Variants in SLC13A4 observed in about 807,000 individuals in gnomAD.
SLC13A4 encodes the protein Na(+)/sulfate cotransporter SUT-1.
SLC13A4 carries 28 observed loss-of-function variants against 72.7 expected under a neutral mutation model. The observed-to-expected ratio is 0.39, with a 90% confidence interval of 0.29 to 0.53. The LOEUF is 0.53. Ranked by LOEUF, SLC13A4 falls within the 20% of genes least tolerant of loss-of-function variation. The pLI, the probability that SLC13A4 is intolerant of heterozygous loss-of-function variation, is 0.78. For missense variants in SLC13A4, 653 were observed against 788.0 expected, an observed-to-expected ratio of 0.83 and a Z score of 2.05; for synonymous variants, 312 against 325.5, an observed-to-expected ratio of 0.96 and a Z score of 0.45.
At chr7:135,683,728 C>G in intron 15 of SLC13A4, 1 of 985,390 alleles carries the variant, frequency 1.0e-6, no homozygotes, top group Non-Finnish European at 1.2e-6. Flanking sequence ...ACCTTTCACC[C>G]TAGGTTCATA....
chr7:135,691,638 A>C lies in SLC13A4; in HGVS notation c.1231T>G (p.Tyr411Asp). The change falls in exon 12 of 16, where the codon TAC becomes GAC. Residue 411 changes from tyrosine to aspartate, a missense_variant. By Grantham distance (160) the Tyr-to-Asp change is radical. Transcript: ENST00000682651. ...ACAGAGACTGTGGCATCAGTACGGT[A>C]GCCTTTCCTAGTAAAGAGACAAGCA... ...GWDSFFEKKG[Y>D]RTDATVSVFL... 1 of 1,610,528 alleles carries C rather than the reference A, an allele frequency of 6.2e-7. No individual in the cohort carries two copies. Among genetic ancestry groups the C allele is most frequent in the Non-Finnish European group, 8.5e-7 (1 of 1,176,840 alleles).
At position 135,701,642 on chromosome 7, in the gene SLC13A4, C is replaced by G. The variant is rs775894611; in HGVS notation, c.714+38G>C. On this transcript the variant is annotated intron_variant, in intron 7 of 15. Transcript: ENST00000682651. ...CCTTGGGAAGCAGTTCACAGCGTTT[C>G]ATGTAGGAAACAGAGCTAGAAGGGG... The G allele has an allele frequency of 3.1e-6, 5 of 1,599,204 alleles. No homozygotes were observed. The East Asian group carries it at 1.1e-4, about 36-fold the overall frequency.
chr7:135,699,305 C>G lies in SLC13A4; in HGVS notation c.899+59G>C, dbSNP rs904667684. 9.7e-5 allele frequency: 143 copies of G among 1,473,622 alleles called. No individual in the cohort carries two copies. The African/African-American group carries it at 1.7e-3, about 17-fold the overall frequency. 91.3% of individuals were successfully genotyped at this position (1,473,622 alleles called of 1,614,324 possible). ...TTCTACCATATCTCTAGCACCTAGT[C>G]CAGTTCCTGACACACAGTGGTGGTT... On this transcript the variant is annotated intron_variant, in intron 8 of 15. Coordinates refer to ENST00000682651, the MANE Select transcript of SLC13A4 (RefSeq NM_001318192.2).
chr7:135,703,265 C>A, intron 5 of SLC13A4: 1 of 199,242 alleles, frequency 5.0e-6, no homozygotes, highest in Non-Finnish European at 1.0e-5. Context: ...GTACTTAGCA[C>A]GGGGATGCTA....
chr7:135,705,957 A>T (rs553185918), intron 4 of SLC13A4, 171 bp downstream of exon 4: 75 of 612,222 alleles, frequency 1.2e-4, no homozygotes, highest in African/African-American at 8.8e-4. Flanking sequence ...TCAGAGTCCA[A>T]GAGCTGGGAT....
At chr7:135,709,630 G>T (rs1796251734) in intron 2 of SLC13A4, among the ~76,000 whole-genome samples, 1 of 152,108 alleles carries the variant, frequency 6.6e-6, no homozygotes, top group African/African-American at 2.4e-5. Flanking sequence ...ACATAGGGCA[G>T]TTAAAAAGAT....
chr7:135,686,601 G>C (rs1449440013), intron 13 of SLC13A4, among the ~76,000 whole-genome samples: 1 of 152,108 alleles, frequency 6.6e-6, no homozygotes, highest in Non-Finnish European at 1.5e-5. Context: ...AACAGACCTG[G>C]GCTTAAGCGA....
intron 9 of SLC13A4, 78 bp downstream of exon 9, chr7:135,695,290 G>C: frequency 1.3e-6 from 2 of 1,584,498 alleles, no homozygotes; most frequent in Non-Finnish European, 1.7e-6. Flanking sequence ...CTTGCACAGA[G>C]CCATCCAGGG....
At position 135,690,551 on chromosome 7, in the gene SLC13A4, A is replaced by G. The variant is rs534905766; in HGVS notation, c.1446+650T>C. On this transcript the variant is annotated intron_variant, in intron 13 of 15. Coordinates refer to ENST00000682651, the MANE Select transcript of SLC13A4 (RefSeq NM_001318192.2). ...CTCCTATTACCTATTACCTATGTCT[A>G]TCTCCTGTTACCATCTCCTATTGCC... is the stretch of plus-strand genomic sequence containing the variant. 7.2e-5 allele frequency among the ~76,000 whole-genome samples: 11 copies of G among 152,110 alleles called. 1 individual carries two copies. Among genetic ancestry groups the G allele is most frequent in the East Asian group, 3.9e-4 (2 of 5,176 alleles).
intron 5 of SLC13A4, 66 bp from the exon 6 acceptor site, chr7:135,702,950 C>G (rs547673966): frequency 8.9e-5 from 106 of 1,188,332 alleles, no homozygotes; most frequent in Admixed American, 4.8e-4. Context: ...GGAGGTCCCC[C>G]TGCATCAGGC....
intron 3 of SLC13A4, chr7:135,707,325 G>T (rs1796187034): frequency 6.6e-6 from 1 of 152,192 alleles, no homozygotes; most frequent in African/African-American, 2.4e-5. Context: ...CTGAGTTAGG[G>T]GGTGGATTAA....
chr7:135,685,489 T>C, intron 14 of SLC13A4, 33 bp downstream of exon 14: 1 of 1,601,558 alleles, frequency 6.2e-7, no homozygotes, highest in Non-Finnish European at 8.5e-7. Context: ...TGGGACAGCC[T>C]GTCTGGATGT....
intron 2 of SLC13A4, among the ~76,000 whole-genome samples, chr7:135,714,701 G>A (rs974344684): frequency 6.6e-6 from 1 of 152,224 alleles, no homozygotes; most frequent in Non-Finnish European, 1.5e-5. Flanking sequence ...ATGCCCCCAG[G>A]CTTACTCAAA....
At position 135,692,577 on chromosome 7, in the gene SLC13A4, T is replaced by G. The variant is rs1795814169; in HGVS notation, c.1122-153A>C. ...CCACTATGAATGGCTGACAGTGAGA[T>G]GAGGAGAAGACTGAGTGGCCCCAGA... is the stretch of plus-strand genomic sequence containing the variant. On this transcript the variant is annotated intron_variant, in intron 10 of 15. Coordinates refer to ENST00000682651, the MANE Select transcript of SLC13A4 (RefSeq NM_001318192.2). 27 of 605,208 alleles carry G rather than the reference T, an allele frequency of 4.5e-5. No homozygotes were observed. The South Asian group carries it at 5.6e-4, about 13-fold the overall frequency. 37.5% of individuals were successfully genotyped at this position (605,208 alleles called of 1,614,324 possible).
intron 8 of SLC13A4, among the ~76,000 whole-genome samples, chr7:135,697,875 T>C (rs1172703902): frequency 1.3e-5 from 2 of 152,154 alleles, no homozygotes; most frequent in Non-Finnish European, 2.9e-5. Flanking sequence ...CTCCCGTCCT[T>C]CAGGTTTCCA....
In SLC13A4 at chr7:135,727,536, C is replaced by G. The variant is rs1205684637; in HGVS notation, c.-40G>C. 1 of 1,527,710 alleles carries G rather than the reference C, an allele frequency of 6.5e-7. No homozygotes were observed. The highest frequency in any genetic ancestry group is 8.8e-7 in the Non-Finnish European group (1 of 1,131,568). The allele number at this position is 1,527,710 out of a possible 1,614,324, so 94.6% of individuals were successfully genotyped here. On this transcript the variant is annotated 5_prime_UTR_variant, in exon 1 of 16. Transcript: ENST00000682651. ...CTCCAGCTCGTCCTTGGACCCCGCT[C>G]TGCCGGCGAAAGGCTTCCTGCCTGG... is the stretch of plus-strand genomic sequence containing the variant.
intron 2 of SLC13A4, among the ~76,000 whole-genome samples, chr7:135,715,348 C>T (rs982400220): frequency 1.2e-4 from 16 of 135,398 alleles, no homozygotes; most frequent in Admixed American, 8.9e-4. Context: ...TATATGTGAG[C>T]GTGTGTATGA....
intron 2 of SLC13A4, among the ~76,000 whole-genome samples, chr7:135,720,022 T>C (rs1399555363): frequency 6.6e-6 from 1 of 151,014 alleles, no homozygotes; most frequent in African/African-American, 2.4e-5. Context: ...AACAAAAAAC[T>C]AGTCAGTTAA....
intron 2 of SLC13A4, among the ~76,000 whole-genome samples, chr7:135,716,467 G>A (rs1438815114): frequency 2.6e-5 from 4 of 152,060 alleles, no homozygotes; most frequent in Non-Finnish European, 5.9e-5. Flanking sequence ...ACCATACCCT[G>A]CTAATTTTTT....
Sources: gnomAD v4.1 joint callset for allele counts (sites outside exome capture counted in the v4.1 genomes callset) on GRCh38, gnomAD v4.1.1 for gene constraint, MANE v1.5 for transcripts, NCBI Gene and HGNC (gene_info 2026-07-23, HGNC 2026-07-21) for gene names.